Variants in CPXM2 observed in about 807,000 individuals in gnomAD.
The protein encoded by CPXM2 is carboxypeptidase X, M14 family member 2.
Under a neutral mutation model 86.1 loss-of-function variants are expected in CPXM2, and 66 were observed. The ratio of observed to expected loss-of-function variants is 0.77; its 90% confidence interval spans 0.63 to 0.94. The LOEUF (loss-of-function observed/expected upper bound fraction) is 0.94, where lower values mean the gene tolerates loss of function less well. Among genes scored for constraint, CPXM2 ranks in the 40% least tolerant of loss-of-function variants. CPXM2 has a pLI of 0.00. For missense variants in CPXM2, 948 were observed against 1,026.3 expected (o/e 0.92, Z 1.04); for synonymous variants, 388 against 400.2 (o/e 0.97, Z 0.36).
At chr10:123,817,804 T>G (rs927051095) in intron 4 of CPXM2, among the ~76,000 whole-genome samples, 2 of 152,170 alleles carry the variant, frequency 1.3e-5, no homozygotes, top group Non-Finnish European at 2.9e-5. Flanking sequence ...TTGGATGATA[T>G]GCAGGCACCA....
At chr10:123,808,450 G>A (rs1386067893) in intron 4 of CPXM2, among the ~76,000 whole-genome samples, 3 of 152,050 alleles carry the variant, frequency 2.0e-5, no homozygotes, top group South Asian at 2.1e-4. Context: ...AGCCAGGGTC[G>A]CCCCAGGGAA....
intron 3 of CPXM2, among the ~76,000 whole-genome samples, chr10:123,856,142 T>C (rs1237410007): frequency 6.6e-6 from 1 of 152,188 alleles, no homozygotes; most frequent in African/African-American, 2.4e-5. Context: ...TACATCCCCA[T>C]TTATAAGGGA....
chr10:123,754,622 T>G lies in CPXM2; in HGVS notation c.2017+41A>C, dbSNP rs757381194. The stretch of plus-strand genomic sequence containing the variant: ...CAAGTAAAATGCCTAAAAAAATGGG[T>G]ATTTCTTACCAAGAGACAGTCTGCA... On this transcript the variant is annotated intron_variant, in intron 13 of 13. Transcript: ENST00000241305. The surrounding 1 kb of genome is among the most constrained non-coding windows in gnomAD (Gnocchi z 4.0). 9.4e-7 allele frequency: 1 copy of G among 1,064,022 alleles called. No individual in the cohort carries two copies. The highest frequency in any genetic ancestry group is 1.5e-6 in the Non-Finnish European group (1 of 680,966). The allele number at this position is 1,064,022 out of a possible 1,614,324, so 65.9% of individuals were successfully genotyped here.
At chr10:123,892,380 C>T (rs541095568), upstream of CPXM2, among the ~76,000 whole-genome samples, 36 of 152,234 alleles carry the variant, frequency 2.4e-4, no homozygotes, top group African/African-American at 7.9e-4. Context: ...AAGACAGTGA[C>T]GTTACCCCAA....
chr10:123,801,090 C>A (rs193009901), intron 4 of CPXM2, among the ~76,000 whole-genome samples: 1 of 152,176 alleles, frequency 6.6e-6, no homozygotes, highest in South Asian at 2.1e-4. Flanking sequence ...CTCCCTGATA[C>A]GGTTTGGCTG....
rs1000301675 is a variant in CPXM2, at chr10:123,761,747, G to A, written c.1777+125C>T. ...TTAGGAAAGTGCTGGCAGGTCCTAA[G>A]TGCTCCACCGTGGCAGCCACCACTT... On this transcript the variant is annotated intron_variant, in intron 11 of 13. Transcript: ENST00000241305. The A allele has an allele frequency of 1.4e-5, 12 of 887,818 alleles. No individual in the cohort carries two copies. The African/African-American group carries it at 1.7e-4, about 12-fold the overall frequency. 55.0% of individuals were successfully genotyped at this position (887,818 alleles called of 1,614,324 possible).
chr10:123,803,724 C>A (rs1421828874), intron 4 of CPXM2, among the ~76,000 whole-genome samples: 1 of 152,014 alleles, frequency 6.6e-6, no homozygotes, highest in Non-Finnish European at 1.5e-5. Context: ...TGCAGTGATG[C>A]GATCTCGGCT....
At chr10:123,857,279 A>G (rs1432130628) in intron 3 of CPXM2, among the ~76,000 whole-genome samples, 2 of 152,200 alleles carry the variant, frequency 1.3e-5, no homozygotes, top group East Asian at 1.9e-4. Context: ...TCTGCTTAAA[A>G]TGATGGAAAA....
intron 4 of CPXM2, 80 bp from the exon 5 acceptor site, chr10:123,799,279 A>G: frequency 1.3e-6 from 2 of 1,556,842 alleles, no homozygotes; most frequent in Non-Finnish European, 1.8e-6. Context: ...AAGTGAGGAG[A>G]GCAGGTGCCA....
chr10:123,833,588 C>A (rs1848214461), intron 4 of CPXM2, among the ~76,000 whole-genome samples: 1 of 152,220 alleles, frequency 6.6e-6, no homozygotes, highest in African/African-American at 2.4e-5. Context: ...GCACTCATGG[C>A]TTTCCACAGG....
chr10:123,779,432 G>T (rs963879936), intron 7 of CPXM2, among the ~76,000 whole-genome samples: 2 of 152,168 alleles, frequency 1.3e-5, no homozygotes, highest in Non-Finnish European at 2.9e-5. Context: ...TCTCATCTGG[G>T]ATTGTCTTTT....
chr10:123,869,427 G>C (rs142052107), intron 2 of CPXM2, among the ~76,000 whole-genome samples: 1 of 152,308 alleles, frequency 6.6e-6, no homozygotes, highest in Non-Finnish European at 1.5e-5. Context: ...CTAATCCTGA[G>C]AAGCATGTGG....
intron 4 of CPXM2, among the ~76,000 whole-genome samples, chr10:123,839,263 T>TA (rs1848337394): frequency 6.6e-6 from 1 of 152,166 alleles, no homozygotes; most frequent in Non-Finnish European, 1.5e-5. Context: ...AGCAAGGGCC[T>TA]AAAGCCCTGA....
chr10:123,815,639 A>G (rs980754833), intron 4 of CPXM2, among the ~76,000 whole-genome samples: 5 of 152,150 alleles, frequency 3.3e-5, no homozygotes, highest in Non-Finnish European at 7.3e-5. Flanking sequence ...GGCAACAGTG[A>G]TGGCTTCCCC....
chr10:123,891,727 G>C lies in CPXM2; in HGVS notation c.-68C>G. 8.1e-7 allele frequency: 1 copy of C among 1,229,696 alleles called. No homozygotes were observed. The highest frequency in any genetic ancestry group is 2.4e-5 in the South Asian group (1 of 41,210). The allele number at this position is 1,229,696 out of a possible 1,614,324, so 76.2% of individuals were successfully genotyped here. The stretch of plus-strand genomic sequence containing the variant: ...GGGCGCCGGGCGGGCTGCGGGCGCA[G>C]AAGCTGGCGCGGGGCAAGGGCGCAG... On this transcript the variant is annotated 5_prime_UTR_variant, in exon 1 of 14. Transcript: ENST00000241305. The surrounding 1 kb of genome is among the most constrained non-coding windows in gnomAD (Gnocchi z 5.6).
At position 123,768,741 on chromosome 10, in the gene CPXM2, A is replaced by G; in HGVS notation, c.1103-19T>C. On this transcript the variant is annotated intron_variant, in intron 8 of 13. Coordinates refer to ENST00000241305, the MANE Select transcript of CPXM2 (RefSeq NM_198148.3). ...GGCTCACCTTTACTCAAAGACAGAG[A>G]GAAGCACAGGTTCACGTTGAAACAC... 1 of 1,603,254 alleles carries G rather than the reference A, an allele frequency of 6.2e-7. No homozygotes were observed. Among genetic ancestry groups the G allele is most frequent in the Non-Finnish European group, 8.5e-7 (1 of 1,178,558 alleles).
Position 123,746,252 on chromosome 10 carries a change from TTATTTG to T in CPXM2, c.*506_*511del, listed in dbSNP as rs1205545194. 6.3e-6 allele frequency: 1 copy of T among 158,406 alleles called. No homozygotes were observed. The highest frequency in any genetic ancestry group is 1.4e-5 in the Non-Finnish European group (1 of 72,108). The allele number at this position is 158,406 out of a possible 1,614,324, so 9.8% of individuals were successfully genotyped here. On this transcript the variant is annotated 3_prime_UTR_variant, in exon 14 of 14. Transcript: ENST00000241305. ...CGCTATTGTCAAAAGAACACAGAAT[TTATTTG>T]TAGCAGCTTGCAATGTCCCAGGGCC...
In CPXM2 at chr10:123,881,232, T is replaced by TCTTCCCTTCCCTTCCCTTCC. The variant is rs201527972; in HGVS notation, c.305-943_305-924dup. ...TGTTCCTTCTCCTGGAGCACCCTTC[T>TCTTCCCTTCCCTTCCCTTCC]CTTCCCTTCCCTTCCCTTCCCTTCC... is the stretch of plus-strand genomic sequence containing the variant. On this transcript the variant is annotated intron_variant, in intron 1 of 13. Transcript: ENST00000241305. 8.7e-3 allele frequency among the ~76,000 whole-genome samples: 564 copies of TCTTCCCTTCCCTTCCCTTCC among 64,938 alleles called. 68 individuals are homozygous for TCTTCCCTTCCCTTCCCTTCC. Among genetic ancestry groups the TCTTCCCTTCCCTTCCCTTCC allele is most frequent in the East Asian group, 0.031 (148 of 4,718 alleles). The allele number at this position is 64,938 out of a possible 152,430, so 42.6% of individuals were successfully genotyped here.
At chr10:123,930,141 C>T (rs1015756663) in intron 2 of CPXM2, among the ~76,000 whole-genome samples, 3 of 152,236 alleles carry the variant, frequency 2.0e-5, no homozygotes, top group Non-Finnish European at 4.4e-5. Context: ...GGCCACCTCA[C>T]AGTGACACAC....
Sources: allele counts gnomAD v4.1 joint callset (sites outside exome capture counted in the v4.1 genomes callset), GRCh38; gene constraint gnomAD v4.1.1; non-coding constraint Gnocchi (gnomAD v3.1); transcripts MANE v1.5; gene names NCBI Gene and HGNC (gene_info 2026-07-23, HGNC 2026-07-21).